The following CTNNA1 variants were observed in gnomAD, a reference collection of about 807,000 sequenced individuals.
CTNNA1 encodes the protein catenin alpha-1.
In CTNNA1, 37 loss-of-function variants were observed where a neutral mutation model predicts 98.4. The observed-to-expected ratio is 0.38, with a 90% CI of 0.29 to 0.49. The LOEUF is 0.49. CTNNA1 is among the 20% of genes least tolerant of loss of function. The pLI, the probability that CTNNA1 is intolerant of heterozygous loss-of-function variation, is 0.95. For synonymous variants in CTNNA1, 404 were observed against 413.2 expected (o/e 0.98, Z 0.27); for missense variants, 761 against 1,147.2 (o/e 0.66, Z 4.86).
chr5:138,786,306 A>T (rs187190785), intron 3 of CTNNA1, among the ~76,000 whole-genome samples: 1 of 152,350 alleles, frequency 6.6e-6, no homozygotes, highest in Non-Finnish European at 1.5e-5. Flanking sequence ...GAGAATCTTA[A>T]CAAATGGTGA....
At chr5:138,845,350 G>A (rs559394859) in intron 7 of CTNNA1, among the ~76,000 whole-genome samples, 1 of 152,104 alleles carries the variant, frequency 6.6e-6, no homozygotes, top group Non-Finnish European at 1.5e-5. Flanking sequence ...TGAATCAACA[G>A]TTTTAGGGGG....
chr5:138,786,242 G>C (rs150097054), intron 3 of CTNNA1, among the ~76,000 whole-genome samples: 1 of 152,170 alleles, frequency 6.6e-6, no homozygotes, highest in African/African-American at 2.4e-5. Flanking sequence ...TATTGCATCA[G>C]ATATGAAAAG....
intron 9 of CTNNA1, among the ~76,000 whole-genome samples, chr5:138,891,378 G>A (rs538109293): frequency 6.6e-6 from 1 of 150,392 alleles, no homozygotes; most frequent in South Asian, 2.1e-4. Context: ...GCTGTTAGAG[G>A]AGGGGAGTTA....
At chr5:138,797,859 G>A (rs1757133103) in intron 3 of CTNNA1, among the ~76,000 whole-genome samples, 1 of 146,770 alleles carries the variant, frequency 6.8e-6, no homozygotes, top group African/African-American at 2.5e-5. Flanking sequence ...AAAACAAAAT[G>A]AAACAAAACA....
chr5:138,806,695 C>T (rs944879554), intron 3 of CTNNA1, among the ~76,000 whole-genome samples: 1 of 152,096 alleles, frequency 6.6e-6, no homozygotes, highest in Admixed American at 6.6e-5. Context: ...ATATCCCTTA[C>T]TCCTCAGTTA....
At chr5:138,818,490 CT>C (rs1759683672) in intron 5 of CTNNA1, among the ~76,000 whole-genome samples, 2 of 152,132 alleles carry the variant, frequency 1.3e-5, no homozygotes. Context: ...CTTCTACAGT[CT>C]TTTGAATGGC....
intron 10 of CTNNA1, among the ~76,000 whole-genome samples, chr5:138,913,030 A>G (rs561979044): frequency 6.6e-6 from 1 of 151,648 alleles, no homozygotes; most frequent in Non-Finnish European, 1.5e-5. Flanking sequence ...CTTAGTATAT[A>G]TGGCGACTTA....
At chr5:138,765,540 A>G (rs770581623) in intron 1 of CTNNA1, among the ~76,000 whole-genome samples, 4 of 152,212 alleles carry the variant, frequency 2.6e-5, no homozygotes, top group Non-Finnish European at 4.4e-5. Context: ...TCATTTATTA[A>G]GTCTGCCTTG....
intron 10 of CTNNA1, among the ~76,000 whole-genome samples, chr5:138,905,955 C>A (rs545264543): frequency 1.3e-5 from 2 of 152,294 alleles, no homozygotes; most frequent in Admixed American, 1.3e-4. Flanking sequence ...AAATAGAGGT[C>A]ATAGGAATGA....
chr5:138,916,927 A>C (rs1392990545), intron 10 of CTNNA1, among the ~76,000 whole-genome samples: 1 of 152,018 alleles, frequency 6.6e-6, no homozygotes, highest in African/African-American at 2.4e-5. Context: ...GGCGTGTGCC[A>C]CCACACCCGG....
intron 7 of CTNNA1, among the ~76,000 whole-genome samples, chr5:138,860,141 A>C (rs1764129880): frequency 6.6e-6 from 1 of 152,210 alleles, no homozygotes; most frequent in Non-Finnish European, 1.5e-5. Context: ...TGATGAATAA[A>C]TCAAAATACT....
chr5:138,883,005 T>G (rs925792096), intron 7 of CTNNA1, among the ~76,000 whole-genome samples: 4 of 152,102 alleles, frequency 2.6e-5, no homozygotes, highest in African/African-American at 9.7e-5. Flanking sequence ...ATTTTTGTAA[T>G]TTTGTAATTT....
intron 5 of CTNNA1, among the ~76,000 whole-genome samples, chr5:138,817,620 T>C (rs758416183): frequency 6.6e-6 from 1 of 152,212 alleles, no homozygotes; most frequent in Non-Finnish European, 1.5e-5. Flanking sequence ...GTTTTTTGTT[T>C]GTTTGTTTTT....
In CTNNA1 at chr5:138,827,538, G is replaced by A. The variant is rs2149785477; in HGVS notation, c.882G>A (p.Leu294=). ...NFDKQIIVDP[L]SFSEERFRPS... is the part of the protein sequence containing the mutation. Reference sequence around the variant, plus strand: ...AGAAACAAATCATTGTGGACCCCTTGAGCTTCAGCGAGGAGCGCTTTAGGC... The same window carrying A: ...AGAAACAAATCATTGTGGACCCCTTAAGCTTCAGCGAGGAGCGCTTTAGGC... The change falls in exon 7 of 18, where the codon TTG becomes TTA. Residue 294 remains leucine, a synonymous_variant. Coordinates refer to ENST00000302763, the MANE Select transcript of CTNNA1 (RefSeq NM_001903.5). 6.2e-7 allele frequency: 1 copy of A among 1,614,226 alleles called. No homozygotes were observed. Among genetic ancestry groups the A allele is most frequent in the Admixed American group, 1.7e-5 (1 of 60,026 alleles).
chr5:138,864,850 T>C lies in CTNNA1; in HGVS notation c.1063-21362T>C, dbSNP rs1764597459. Among the ~76,000 whole-genome samples, 3 of 152,288 alleles carry C rather than the reference T, an allele frequency of 2.0e-5. No individual in the cohort carries two copies. In the Middle Eastern group the frequency reaches 0.01, roughly 518 times the overall value. On this transcript the variant is annotated intron_variant, in intron 7 of 17. Transcript: ENST00000302763. ...TGTTTTTGGAGAGGGAGTCTTGCTC[T>C]GTTGCCCAGGCTGGAGTGCAGTGGC...
chr5:138,802,506 A>C (rs1757686091), intron 3 of CTNNA1, among the ~76,000 whole-genome samples: 1 of 152,028 alleles, frequency 6.6e-6, no homozygotes, highest in Admixed American at 6.6e-5. Flanking sequence ...TTTTTTAAAA[A>C]TTTATTTTTT....
rs70982740 is a variant in CTNNA1 at position 138,910,226 on chromosome 5, C to CTTTTTTTTTT, written c.1389+5803_1389+5812dup. On this transcript the variant is annotated intron_variant, in intron 10 of 17. Coordinates refer to ENST00000302763, the MANE Select transcript of CTNNA1 (RefSeq NM_001903.5). ...AAATTGGAAAGTGTTTCCTACTTTT[C>CTTTTTTTTTT]TTTTTTTTTTTTTTTTTTTTTTTTT... Among the ~76,000 whole-genome samples the CTTTTTTTTTT allele has an allele frequency of 2.6e-4, 14 of 53,268 alleles. 1 individual carries two copies. The highest frequency in any genetic ancestry group is 4.7e-4 in the African/African-American group (6 of 12,714). The allele number at this position is 53,268 out of a possible 152,430, so 34.9% of individuals were successfully genotyped here.
chr5:138,791,095 A>G (rs1299304423), intron 3 of CTNNA1: 1 of 152,168 alleles, frequency 6.6e-6, no homozygotes, highest in Non-Finnish European at 1.5e-5. Context: ...CAGACATCTT[A>G]ATGTTTGGCT....
chr5:138,860,110 T>A (rs1764124958), intron 7 of CTNNA1, among the ~76,000 whole-genome samples: 1 of 152,190 alleles, frequency 6.6e-6, no homozygotes, highest in African/African-American at 2.4e-5. Context: ...TCCAATGTGG[T>A]ACCTCTGATA....
Sources: gnomAD v4.1 joint callset for allele counts (sites outside exome capture counted in the v4.1 genomes callset) on GRCh38, gnomAD v4.1.1 for gene constraint, MANE v1.5 for transcripts, NCBI Gene and HGNC (gene_info 2026-07-23, HGNC 2026-07-21) for gene names.